The following MLXIP variants were observed in gnomAD, a reference collection of about 807,000 sequenced individuals.
MLXIP encodes MLX interacting protein.
Under a neutral mutation model 87.2 loss-of-function variants are expected in MLXIP, and 30 were observed. That is an observed-to-expected ratio of 0.34 (90% CI 0.26 to 0.47). MLXIP has a LOEUF of 0.47. Among genes scored for constraint, MLXIP ranks in the 20% least tolerant of loss-of-function variants. The pLI, the probability that MLXIP is intolerant of heterozygous loss-of-function variation, is 1.00. For synonymous variants in MLXIP, 530 were observed against 514.0 expected, an observed-to-expected ratio of 1.03 and a Z score of -0.42; for missense variants, 1,002 against 1,240.1, an observed-to-expected ratio of 0.81 and a Z score of 2.88.
chr12:122,103,392 T>C (rs1360873400), intron 1 of MLXIP, among the ~76,000 whole-genome samples: 1 of 151,912 alleles, frequency 6.6e-6, no homozygotes, highest in Non-Finnish European at 1.5e-5. Flanking sequence ...GCCCGGCTAA[T>C]TTTTGTATTT....
chr12:122,080,622 C>T (rs1313691556), intron 1 of MLXIP, among the ~76,000 whole-genome samples: 1 of 152,210 alleles, frequency 6.6e-6, no homozygotes, highest in African/African-American at 2.4e-5. Context: ...GTAGCTCCTC[C>T]TCCCATCCCC....
intron 1 of MLXIP, among the ~76,000 whole-genome samples, chr12:122,094,721 G>T (rs1952321416): frequency 6.9e-6 from 1 of 144,710 alleles, no homozygotes; most frequent in Non-Finnish European, 1.5e-5. Context: ...TTGTATGTGT[G>T]GTGTGTTGGC....
rs1413239803 is a variant in MLXIP, at chr12:122,133,422, A to G, written c.1167A>G (p.Pro389=). The change falls in exon 9 of 17, where the codon CCA becomes CCG. Residue 389 remains proline, a synonymous_variant. Transcript: ENST00000319080. The surrounding 1 kb of genome is among the most constrained non-coding windows in gnomAD (Gnocchi z 4.9). The part of the protein sequence containing the change: ...PDSLIAPPTA[P]SLAHMDEQGC... ...GCCTCATCGCGCCCCCTACCGCCCC[A>G]TCCCTGGCTCACATGGATGAGCAGG... is the stretch of plus-strand genomic sequence containing the variant. 3 of 1,611,082 alleles carry G rather than the reference A, an allele frequency of 1.9e-6. No homozygotes were observed. The East Asian group carries it at 6.7e-5, about 36-fold the overall frequency.
intron 1 of MLXIP, among the ~76,000 whole-genome samples, chr12:122,084,326 C>T (rs554028435): frequency 2.5e-3 from 387 of 152,216 alleles, no homozygotes; most frequent in Middle Eastern, 0.017. Context: ...CCCGCTTTAG[C>T]GGTGTGGGAC....
rs1423334983 is a variant in MLXIP, at chr12:122,133,639, C to T, written c.1384C>T (p.Pro462Ser). The T allele has an allele frequency of 1.9e-6, 3 of 1,613,176 alleles. No homozygotes were observed. The highest frequency in any genetic ancestry group is 2.5e-6 in the Non-Finnish European group (3 of 1,179,642). ...TCCTCCTCCTGCCACTGCCCTGAACCCCCCGGCTCCACCCACCTTCCATCA... is the reference window on the plus strand; with the variant it reads ...TCCTCCTCCTGCCACTGCCCTGAACTCCCCGGCTCCACCCACCTTCCATCA... ...LVPPPATALN[P>S]PAPPTFHQPQ... is the part of the protein sequence containing the mutation. The change falls in exon 9 of 17, where the codon CCC (proline) becomes TCC (serine). Residue 462 changes from proline to serine, a missense_variant. Coordinates refer to ENST00000319080, the MANE Select transcript of MLXIP (RefSeq NM_014938.6). The surrounding 1 kb of genome is among the most constrained non-coding windows in gnomAD (Gnocchi z 4.9).
chr12:122,140,856 C>T (rs1176595553), intron 15 of MLXIP, 98 bp from the exon 16 acceptor site: 3 of 1,580,256 alleles, frequency 1.9e-6, no homozygotes, highest in Admixed American at 1.7e-5. Flanking sequence ...AGATACTTTC[C>T]AGCCCCAGGG....
intron 1 of MLXIP, among the ~76,000 whole-genome samples, chr12:122,102,929 T>G (rs1952457767): frequency 6.6e-6 from 1 of 152,014 alleles, no homozygotes; most frequent in African/African-American, 2.4e-5. Flanking sequence ...AACTAAAGAG[T>G]GTGGGCATTT....
rs918871488 is a variant in MLXIP, at chr12:122,104,374, A to G, written c.414-22882A>G. 5.3e-5 allele frequency among the ~76,000 whole-genome samples: 8 copies of G among 152,256 alleles called. No homozygotes were observed. In the East Asian group the frequency reaches 5.8e-4, roughly 11 times the overall value. On this transcript the variant is annotated intron_variant, in intron 1 of 16. Coordinates refer to ENST00000319080, the MANE Select transcript of MLXIP (RefSeq NM_014938.6). ...TAGTCTTTCCGTGTGTTTTGTATAA[A>G]TAGAATCAGACAGTTTGTATCCTTG...
At chr12:122,104,602 C>T (rs189094312) in intron 1 of MLXIP, among the ~76,000 whole-genome samples, 1,469 of 114,820 alleles carry the variant, frequency 0.013, 27 homozygotes, top group Admixed American at 0.051. Context: ...TTTTTTGAGA[C>T]GGAGTCTCAC....
rs1036687579 is a variant in MLXIP, at chr12:122,145,885, A to T, written c.*4073A>T. The T allele has an allele frequency of 2.0e-5, 3 of 151,210 alleles. No homozygotes were observed. Among genetic ancestry groups the T allele is most frequent in the Non-Finnish European group, 4.4e-5 (3 of 67,900 alleles). 9.4% of individuals were successfully genotyped at this position (151,210 alleles called of 1,614,324 possible). A position where few individuals can be genotyped will look rare whatever the true frequency, so the allele number is the denominator to read the frequency against. ...GAAGGCTTGGAGGGCCCGTCTCATC[A>T]CCCCCGTTCGCCCTCAGCTGTCCCT... On this transcript the variant is annotated 3_prime_UTR_variant, in exon 17 of 17. Coordinates refer to ENST00000319080, the MANE Select transcript of MLXIP (RefSeq NM_014938.6).
At chr12:122,100,859 A>G (rs1952425429) in intron 1 of MLXIP, among the ~76,000 whole-genome samples, 2 of 152,226 alleles carry the variant, frequency 1.3e-5, no homozygotes, top group African/African-American at 4.8e-5. Flanking sequence ...TAAGCTCCAG[A>G]TAATTGTGAG....
At chr12:122,117,353 T>C (rs1019688879) in intron 1 of MLXIP, among the ~76,000 whole-genome samples, 1 of 152,248 alleles carries the variant, frequency 6.6e-6, no homozygotes, top group Admixed American at 6.5e-5. Flanking sequence ...CCATTGGCAG[T>C]GGCCCCTCCC....
Position 122,137,610 on chromosome 12 carries a change from G to A in MLXIP, c.2154+20G>A, listed in dbSNP as rs1002824791. On this transcript the variant is annotated intron_variant, in intron 12 of 16. Transcript: ENST00000319080. The surrounding 1 kb of genome is among the most constrained non-coding windows in gnomAD (Gnocchi z 4.1). ...CTAAAGGTACCGCATGTCTCCTCTT[G>A]GTTCCCTTGGGAGGAGGGGAGAGGA... The A allele has an allele frequency of 6.2e-7, 1 of 1,612,242 alleles. No homozygotes were observed. The highest frequency in any genetic ancestry group is 8.5e-7 in the Non-Finnish European group (1 of 1,178,896).
At chr12:122,104,492 G>A (rs1952489334) in intron 1 of MLXIP, among the ~76,000 whole-genome samples, 2 of 151,842 alleles carry the variant, frequency 1.3e-5, no homozygotes, top group African/African-American at 4.8e-5. Flanking sequence ...ATATAGCAGT[G>A]CGTTTTCTCC....
intron 1 of MLXIP, among the ~76,000 whole-genome samples, chr12:122,115,978 G>C (rs1952684078): frequency 6.6e-6 from 1 of 152,098 alleles, no homozygotes; most frequent in Admixed American, 6.6e-5. Flanking sequence ...TTGAACCCGG[G>C]AGGTGGAGGT....
intron 1 of MLXIP, among the ~76,000 whole-genome samples, chr12:122,114,907 C>T (rs1167453021): frequency 2.0e-5 from 3 of 151,832 alleles, no homozygotes; most frequent in South Asian, 2.1e-4. Flanking sequence ...CACTACTGCC[C>T]GGTTAATTTT....
intron 1 of MLXIP, among the ~76,000 whole-genome samples, chr12:122,083,448 C>T (rs950734640): frequency 1.3e-5 from 2 of 151,156 alleles, no homozygotes; most frequent in Admixed American, 1.3e-4. Flanking sequence ...GAGTTTCGCT[C>T]ATGTTGCCCA....
chr12:122,097,040 C>T (rs1248023688), intron 1 of MLXIP, among the ~76,000 whole-genome samples: 2 of 152,240 alleles, frequency 1.3e-5, no homozygotes, highest in African/African-American at 4.8e-5. Context: ...CGCTGTCTGG[C>T]TTGGCAGCCT....
intron 1 of MLXIP, among the ~76,000 whole-genome samples, chr12:122,097,356 C>A (rs1025473811): frequency 6.6e-6 from 1 of 152,124 alleles, no homozygotes; most frequent in African/African-American, 2.4e-5. Context: ...TTTGGTGGCT[C>A]ACGCCTGTAA....
Sources: gnomAD v4.1 joint callset for allele counts (sites outside exome capture counted in the v4.1 genomes callset) on GRCh38, gnomAD v4.1.1 for gene constraint, Gnocchi (gnomAD v3.1) non-coding constraint, MANE v1.5 for transcripts, NCBI Gene and HGNC (gene_info 2026-07-23, HGNC 2026-07-21) for gene names.